KLF3: variants seen among roughly 807,000 people sequenced by gnomAD.
KLF3 encodes Krueppel-like factor 3.
A neutral mutation model predicts 32.7 loss-of-function variants in KLF3; 6 were observed. The observed-to-expected ratio is 0.18, with a 90% CI of 0.10 to 0.36. The LOEUF is 0.36. Ranked by LOEUF, KLF3 falls within the 10% of genes least tolerant of loss-of-function variation. KLF3 has a pLI of 1.00. For missense variants in KLF3, 338 were observed against 449.7 expected, an observed-to-expected ratio of 0.75 and a Z score of 2.25; for synonymous variants, 145 against 172.8, an observed-to-expected ratio of 0.84 and a Z score of 1.26.
At position 38,700,483 on chromosome 4, in the gene KLF3, CTT is replaced by C. The variant is rs1329774345; in HGVS notation, c.*3222_*3223del. 6.6e-6 allele frequency: 1 copy of C among 152,170 alleles called. No homozygotes were observed. The highest frequency in any genetic ancestry group is 2.4e-5 in the African/African-American group (1 of 41,436). 9.4% of individuals were successfully genotyped at this position (152,170 alleles called of 1,614,324 possible). On this transcript the variant is annotated 3_prime_UTR_variant, in exon 6 of 6. Coordinates refer to ENST00000261438, the MANE Select transcript of KLF3 (RefSeq NM_016531.6). The stretch of plus-strand genomic sequence containing the variant: ...CATACATGAAGTTGCTCCGAGCTGT[CTT>C]TATTCTCTTCTTGGTCAAGGTTAAC...
intron 2 of KLF3, among the ~76,000 whole-genome samples, chr4:38,687,386 T>C (rs530570994): frequency 7.7e-4 from 117 of 152,354 alleles, no homozygotes; most frequent in South Asian, 1.2e-3. Context: ...AGTTAAGGAA[T>C]AGAAGTAATT....
chr4:38,673,897 G>A (rs1209959481), intron 1 of KLF3, among the ~76,000 whole-genome samples: 1 of 152,136 alleles, frequency 6.6e-6, no homozygotes, highest in Middle Eastern at 3.2e-3. Flanking sequence ...GCAGATGGGT[G>A]GAGGCAGGAA....
chr4:38,693,673 AAGAGAAAGAAGTCTTTCATTAC>A (rs1173352901), intron 4 of KLF3, among the ~76,000 whole-genome samples: 1 of 152,200 alleles, frequency 6.6e-6, no homozygotes, highest in Admixed American at 6.5e-5. Context: ...TCAAATATGA[AAGAGAAAGAAGTCTTTCATTAC>A]AGTTAGAGGC....
chr4:38,675,313 G>A (rs934571293), intron 1 of KLF3, among the ~76,000 whole-genome samples: 3 of 152,082 alleles, frequency 2.0e-5, no homozygotes, highest in Admixed American at 1.3e-4. Context: ...TTATTTTGGC[G>A]GTGGTGATGT....
At chr4:38,672,268 C>T (rs958424755) in intron 1 of KLF3, among the ~76,000 whole-genome samples, 3 of 152,212 alleles carry the variant, frequency 2.0e-5, no homozygotes, top group Non-Finnish European at 4.4e-5. Context: ...GACATAAAAA[C>T]TTCATTCAGG....
At chr4:38,677,878 A>AGTGTGTGTGTGT (rs56675939) in intron 1 of KLF3, among the ~76,000 whole-genome samples, 251 of 146,314 alleles carry the variant, frequency 1.7e-3, no homozygotes, top group South Asian at 4.6e-3. Context: ...GGGCAAAAGG[A>AGTGTGTGTGTGT]GTGTGTGTGT....
intron 1 of KLF3, among the ~76,000 whole-genome samples, chr4:38,672,220 C>T (rs1722216664): frequency 6.6e-6 from 1 of 152,172 alleles, no homozygotes; most frequent in Non-Finnish European, 1.5e-5. Context: ...GGAACTCCTA[C>T]TATAAGCTAA....
intron 2 of KLF3, among the ~76,000 whole-genome samples, chr4:38,682,473 C>T (rs1271293353): frequency 5.3e-5 from 8 of 152,170 alleles, no homozygotes. Flanking sequence ...AAAATTTCCC[C>T]ATTAGTTATA....
intron 1 of KLF3, among the ~76,000 whole-genome samples, chr4:38,673,149 C>G (rs1013777354): frequency 2.0e-5 from 3 of 152,214 alleles, no homozygotes; most frequent in South Asian, 4.1e-4. Flanking sequence ...TCCTCAGGAG[C>G]AGAGGAATGA....
At chr4:38,667,150 C>T (rs1311720547) in intron 1 of KLF3, among the ~76,000 whole-genome samples, 1 of 152,202 alleles carries the variant, frequency 6.6e-6, no homozygotes, top group Non-Finnish European at 1.5e-5. Context: ...CAAACACCTC[C>T]ACCCCCCTGT....
At position 38,674,935 on chromosome 4, in the gene KLF3, C is replaced by A. The variant is rs1722298170; in HGVS notation, c.-39-5652C>A. 6.6e-6 allele frequency among the ~76,000 whole-genome samples: 1 copy of A among 152,140 alleles called. No individual in the cohort carries two copies. The highest frequency in any genetic ancestry group is 2.4e-5 in the African/African-American group (1 of 41,408). On this transcript the variant is annotated intron_variant, in intron 1 of 5. Transcript: ENST00000261438. The surrounding 1 kb of genome is among the most constrained non-coding windows in gnomAD (Gnocchi z 4.1). ...CAGAGGAGGTTTAGTAACCCCCTAA[C>A]CTCGTCTTCCATGAAGGACTGTGTG... is the stretch of plus-strand genomic sequence containing the variant.
At chr4:38,685,887 A>G (rs1722678633) in intron 2 of KLF3, among the ~76,000 whole-genome samples, 1 of 152,194 alleles carries the variant, frequency 6.6e-6, no homozygotes, top group African/African-American at 2.4e-5. Context: ...TACATGATTT[A>G]TAATGGATTT....
rs889617141 is a variant in KLF3, at chr4:38,700,500, T to A, written c.*3237T>A. Reference sequence around the variant, plus strand: ...CGAGCTGTCTTTATTCTCTTCTTGGTCAAGGTTAACAATTGCTAAATGATC... The same window carrying A: ...CGAGCTGTCTTTATTCTCTTCTTGGACAAGGTTAACAATTGCTAAATGATC... On this transcript the variant is annotated 3_prime_UTR_variant, in exon 6 of 6. Transcript: ENST00000261438. 2.0e-5 allele frequency: 3 copies of A among 152,216 alleles called. No individual in the cohort carries two copies. The highest frequency in any genetic ancestry group is 7.2e-5 in the African/African-American group (3 of 41,460). 9.4% of individuals were successfully genotyped at this position (152,216 alleles called of 1,614,324 possible). A position where few individuals can be genotyped will look rare whatever the true frequency, so the allele number is the denominator to read the frequency against.
intron 4 of KLF3, among the ~76,000 whole-genome samples, chr4:38,693,109 T>C (rs1560420203): frequency 2.1e-5 from 1 of 48,106 alleles, no homozygotes; most frequent in Non-Finnish European, 4.5e-5. Flanking sequence ...TATATGTACA[T>C]ATATATACAT....
At chr4:38,681,117 C>G (rs1722511783) in intron 2 of KLF3, 2 of 172,048 alleles carry the variant, frequency 1.2e-5, no homozygotes, top group South Asian at 1.3e-4. Flanking sequence ...AAACTTTTCT[C>G]AACGCCACCA....
At chr4:38,695,636 T>A (rs1447821672) in intron 5 of KLF3, among the ~76,000 whole-genome samples, 1 of 151,862 alleles carries the variant, frequency 6.6e-6, no homozygotes, top group Non-Finnish European at 1.5e-5. Flanking sequence ...CCTTGGGAGG[T>A]GGAAGCAGGA....
Position 38,700,741 on chromosome 4 carries a change from A to G in KLF3, c.*3478A>G, listed in dbSNP as rs1723174188. 2 of 152,236 alleles carry G rather than the reference A, an allele frequency of 1.3e-5. No individual in the cohort carries two copies. Among genetic ancestry groups the G allele is most frequent in the Admixed American group, 1.3e-4 (2 of 15,286 alleles). The allele number at this position is 152,236 out of a possible 1,614,324, so 9.4% of individuals were successfully genotyped here. ...CAGTACTTTAATACTTGTATAAACT[A>G]TGCAGAAATTTTTAATAAAGTGTAA... is the stretch of plus-strand genomic sequence containing the variant. On this transcript the variant is annotated 3_prime_UTR_variant, in exon 6 of 6. Coordinates refer to ENST00000261438, the MANE Select transcript of KLF3 (RefSeq NM_016531.6).
intron 1 of KLF3, among the ~76,000 whole-genome samples, chr4:38,668,633 G>A (rs1289918575): frequency 6.6e-6 from 1 of 152,198 alleles, no homozygotes; most frequent in Non-Finnish European, 1.5e-5. Flanking sequence ...TAGCTGACCT[G>A]TAGGACAAGA....
chr4:38,685,520 T>C (rs549716376), intron 2 of KLF3, among the ~76,000 whole-genome samples: 1 of 152,182 alleles, frequency 6.6e-6, no homozygotes, highest in East Asian at 1.9e-4. Flanking sequence ...GAGAATATTA[T>C]TAGATTTGCA....
Sources: allele counts gnomAD v4.1 joint callset (sites outside exome capture counted in the v4.1 genomes callset), GRCh38; gene constraint gnomAD v4.1.1; non-coding constraint Gnocchi (gnomAD v3.1); transcripts MANE v1.5; gene names NCBI Gene and HGNC (gene_info 2026-07-23, HGNC 2026-07-21).